The following TTC39B variants were observed in gnomAD, a reference collection of about 807,000 sequenced individuals.
TTC39B encodes tetratricopeptide repeat domain 39B.
TTC39B carries 92 observed loss-of-function variants against 96.6 expected under a neutral mutation model. The observed-to-expected ratio is 0.95, with a 90% CI of 0.80 to 1.13. TTC39B has a LOEUF of 1.13. Ranked by LOEUF, TTC39B falls within the 50% of genes most tolerant of loss-of-function variation. The probability of loss-of-function intolerance (pLI) is 0.00; values close to 1 mark genes in which losing one functional copy is unlikely to be tolerated. For synonymous variants in TTC39B, 367 were observed against 299.4 expected, an observed-to-expected ratio of 1.23 and a Z score of -2.33; for missense variants, 955 against 809.3, an observed-to-expected ratio of 1.18 and a Z score of -2.18.
chr9:15,263,264 C>T (rs987835187), intron 2 of TTC39B, among the ~76,000 whole-genome samples: 5 of 152,156 alleles, frequency 3.3e-5, no homozygotes, highest in African/African-American at 7.2e-5. Flanking sequence ...AGAAAAGTAC[C>T]GATGTTCACT....
exon 20 of TTC39B, chr9:15,172,007 T>C: frequency 6.2e-7 from 1 of 1,606,520 alleles, no homozygotes; most frequent in Non-Finnish European, 8.5e-7. Context: ...AATTCCATCC[T>C]TCAAGTTCTG....
At chr9:15,213,049 G>A (rs544693226) in intron 4 of TTC39B, among the ~76,000 whole-genome samples, 5 of 152,212 alleles carry the variant, frequency 3.3e-5, no homozygotes, top group African/African-American at 1.2e-4. Context: ...ACTGAACACT[G>A]TATACAGGTA....
chr9:15,243,351 G>A (rs1822130320), intron 2 of TTC39B, among the ~76,000 whole-genome samples: 1 of 152,142 alleles, frequency 6.6e-6, no homozygotes, highest in African/African-American at 2.4e-5. Flanking sequence ...TGTCCTCAAT[G>A]GGGATGAAAG....
chr9:15,234,467 C>CA (rs1821665148), intron 2 of TTC39B, among the ~76,000 whole-genome samples: 5 of 151,762 alleles, frequency 3.3e-5, no homozygotes, highest in African/African-American at 1.2e-4. Flanking sequence ...CGCCTCTGCC[C>CA]GGCCGCCCCT....
chr9:15,172,456 A>G (rs951895080), intron 19 of TTC39B, among the ~76,000 whole-genome samples: 4 of 152,138 alleles, frequency 2.6e-5, no homozygotes, highest in African/African-American at 9.7e-5. Context: ...TTTAAATTGG[A>G]AAATTTTAAG....
intron 1 of TTC39B, among the ~76,000 whole-genome samples, chr9:15,273,211 GA>G (rs1823419078): frequency 6.6e-6 from 1 of 152,182 alleles, no homozygotes; most frequent in Non-Finnish European, 1.5e-5. Context: ...AAAGAGTAAA[GA>G]TGACAAATAT....
At chr9:15,246,656 G>T (rs774236437) in intron 2 of TTC39B, among the ~76,000 whole-genome samples, 5 of 152,232 alleles carry the variant, frequency 3.3e-5, no homozygotes, top group Admixed American at 1.3e-4. Context: ...CTAAAGCTCA[G>T]AACCACATTG....
chr9:15,239,494 A>G (rs1821942186), intron 2 of TTC39B, among the ~76,000 whole-genome samples: 1 of 152,256 alleles, frequency 6.6e-6, no homozygotes, highest in Non-Finnish European at 1.5e-5. Flanking sequence ...TATTCACAAT[A>G]GCAAAGTCAT....
At chr9:15,291,758 A>C (rs762497433) in intron 1 of TTC39B, among the ~76,000 whole-genome samples, 2 of 152,138 alleles carry the variant, frequency 1.3e-5, no homozygotes, top group African/African-American at 2.4e-5. Context: ...TAAAAAAAAA[A>C]ATCAGCCTCT....
chr9:15,265,360 T>C (rs928627581), intron 2 of TTC39B, among the ~76,000 whole-genome samples: 7 of 152,172 alleles, frequency 4.6e-5, no homozygotes, highest in Non-Finnish European at 7.4e-5. Flanking sequence ...CGTCCTCCTC[T>C]GTGAGGTCTG....
intron 1 of TTC39B, among the ~76,000 whole-genome samples, chr9:15,304,998 T>C (rs1045607017): frequency 6.6e-6 from 1 of 152,316 alleles, no homozygotes; most frequent in East Asian, 1.9e-4. Context: ...ATAATGGCCA[T>C]TAAAAACTAT....
chr9:15,300,681 T>A (rs1229321133), intron 1 of TTC39B, among the ~76,000 whole-genome samples: 1 of 151,448 alleles, frequency 6.6e-6, no homozygotes, highest in Non-Finnish European at 1.5e-5. Context: ...AGGTCAGGAG[T>A]TCGAAAGCAG....
At chr9:15,287,968 A>T (rs932690130) in intron 1 of TTC39B, among the ~76,000 whole-genome samples, 1 of 118,940 alleles carries the variant, frequency 8.4e-6, no homozygotes, top group African/African-American at 3.9e-5. Flanking sequence ...AAAAAAAAAA[A>T]ACATAAAAAA....
intron 14 of TTC39B, among the ~76,000 whole-genome samples, chr9:15,187,339 T>C (rs1588862441): frequency 6.6e-6 from 1 of 152,186 alleles, no homozygotes; most frequent in Admixed American, 6.5e-5. Flanking sequence ...TTAATTTTCA[T>C]TATCATGAAA....
chr9:15,219,891 T>C (rs948595914), intron 3 of TTC39B, among the ~76,000 whole-genome samples: 2 of 152,214 alleles, frequency 1.3e-5, no homozygotes, highest in Non-Finnish European at 2.9e-5. Context: ...GCCTGCACTT[T>C]AGGGCTGAAA....
At chr9:15,209,824 T>C (rs934284131) in intron 6 of TTC39B, among the ~76,000 whole-genome samples, 1 of 152,106 alleles carries the variant, frequency 6.6e-6, no homozygotes, top group Non-Finnish European at 1.5e-5. Context: ...ACACCTATTA[T>C]GTGATTCTAT....
intron 2 of TTC39B, among the ~76,000 whole-genome samples, chr9:15,234,142 A>C (rs1003483890): frequency 1.0e-4 from 15 of 147,136 alleles, no homozygotes; most frequent in African/African-American, 3.6e-4. Flanking sequence ...AGAAGTGAGG[A>C]GTCCCTCTGC....
intron 1 of TTC39B, among the ~76,000 whole-genome samples, chr9:15,294,359 C>A (rs1011736077): frequency 1.3e-5 from 2 of 152,120 alleles, no homozygotes; most frequent in East Asian, 1.9e-4. Context: ...ACAAACATAC[C>A]TTTTACAGGC....
At chr9:15,214,367 T>C in intron 3 of TTC39B, 118 bp from the exon 4 acceptor site, 1 of 679,416 alleles carries the variant, frequency 1.5e-6, no homozygotes, top group Non-Finnish European at 2.5e-6. Flanking sequence ...TGTGTCTGTG[T>C]GTGTGTCTGT....
Sources: allele counts gnomAD v4.1 joint callset (sites outside exome capture counted in the v4.1 genomes callset), GRCh38; gene constraint gnomAD v4.1.1; transcripts MANE v1.5; gene names NCBI Gene and HGNC (gene_info 2026-07-23, HGNC 2026-07-21).